Variants in OPCML observed in about 807,000 individuals in gnomAD.
OPCML encodes the protein opioid binding protein/cell adhesion molecule like.
Under a neutral mutation model 37.8 loss-of-function variants are expected in OPCML, and 13 were observed. The ratio of observed to expected loss-of-function variants is 0.34; its 90% CI spans 0.22 to 0.55. The LOEUF (loss-of-function observed/expected upper bound fraction) is 0.55. Among genes scored for constraint, OPCML ranks in the 20% least tolerant of loss-of-function variants. The probability of loss-of-function intolerance (pLI) is 0.91; values close to 1 mark genes in which losing one functional copy is unlikely to be tolerated. For synonymous variants in OPCML, 176 were observed against 168.8 expected (o/e 1.04, Z -0.33); for missense variants, 341 against 435.6 (o/e 0.78, Z 1.93).
intron 1 of OPCML, among the ~76,000 whole-genome samples, chr11:133,041,662 T>C (rs1445186998): frequency 1.3e-5 from 2 of 152,222 alleles, no homozygotes; most frequent in African/African-American, 4.8e-5. Flanking sequence ...CTATACCCTG[T>C]TGTTGCCTTG....
chr11:132,455,762 AATTCATTCATTC>A lies in OPCML; in HGVS notation c.506-18415_506-18404del, dbSNP rs61139767. ...TGTCTGTCAAAAACCTTCTTTGTCA[AATTCATTCATTC>A]ATTCATTCATTCATTCATTCATTCA... On this transcript the variant is annotated intron_variant, in intron 4 of 7. Coordinates refer to ENST00000524381, the MANE Select transcript of OPCML (RefSeq NM_001012393.5). Among the ~76,000 whole-genome samples, 25 of 150,550 alleles carry A rather than the reference AATTCATTCATTC, an allele frequency of 1.7e-4. 1 individual carries two copies. The highest frequency in any genetic ancestry group is 9.3e-4 in the Admixed American group (14 of 15,094).
chr11:133,492,329 GC>G (rs1665061115), intron 1 of OPCML, among the ~76,000 whole-genome samples: 1 of 152,166 alleles, frequency 6.6e-6, no homozygotes. Flanking sequence ...TCATATGGAT[GC>G]TTTTGGCCTT....
At chr11:133,456,463 C>A (rs1000432189) in intron 1 of OPCML, among the ~76,000 whole-genome samples, 1 of 148,326 alleles carries the variant, frequency 6.7e-6, no homozygotes, top group African/African-American at 2.6e-5. Flanking sequence ...TTTCAATAAA[C>A]AATCACAAGA....
intron 1 of OPCML, among the ~76,000 whole-genome samples, chr11:133,093,671 T>C (rs143720569): frequency 5.2e-4 from 79 of 152,260 alleles, no homozygotes; most frequent in South Asian, 1.0e-3. Context: ...CTTAGAACAA[T>C]ACAGGTTCAC....
At chr11:132,766,096 AT>A (rs1317300816) in intron 2 of OPCML, among the ~76,000 whole-genome samples, 4 of 83,984 alleles carry the variant, frequency 4.8e-5, no homozygotes, top group African/African-American at 2.0e-4. Flanking sequence ...CATGCTTATA[AT>A]TTAAAAAAAA....
intron 2 of OPCML, among the ~76,000 whole-genome samples, chr11:132,864,520 G>C (rs1942447503): frequency 6.6e-6 from 1 of 152,124 alleles, no homozygotes; most frequent in Admixed American, 6.5e-5. Context: ...CAATGCTTTG[G>C]ATTATGCAAA....
chr11:132,658,026 C>T (rs1488957537), intron 2 of OPCML, among the ~76,000 whole-genome samples: 1 of 152,192 alleles, frequency 6.6e-6, no homozygotes. Flanking sequence ...CAACACCTCT[C>T]ACCTACTCTC....
chr11:133,209,488 C>T (rs189269096), intron 1 of OPCML, among the ~76,000 whole-genome samples: 2 of 152,248 alleles, frequency 1.3e-5, no homozygotes, highest in Admixed American at 1.3e-4. Context: ...CAAATACTAC[C>T]CATTTGAGTT....
chr11:132,658,959 A>G (rs1472973464), intron 2 of OPCML, among the ~76,000 whole-genome samples: 1 of 152,078 alleles, frequency 6.6e-6, no homozygotes, highest in Non-Finnish European at 1.5e-5. Context: ...TTTTTATTTG[A>G]CCACAGGCAT....
chr11:132,937,780 T>A (rs147155961), intron 2 of OPCML, among the ~76,000 whole-genome samples: 1 of 152,086 alleles, frequency 6.6e-6, no homozygotes, highest in East Asian at 2.0e-4. Flanking sequence ...CTCCCTGCAT[T>A]GTGTATCTCC....
chr11:133,274,805 G>A (rs920673046), intron 1 of OPCML, among the ~76,000 whole-genome samples: 7 of 152,174 alleles, frequency 4.6e-5, no homozygotes, highest in African/African-American at 1.7e-4. Context: ...GTTTAACTGA[G>A]TTCTCCCTTG....
intron 4 of OPCML, among the ~76,000 whole-genome samples, chr11:132,488,804 T>C (rs962440146): frequency 7.2e-5 from 11 of 152,222 alleles, no homozygotes; most frequent in African/African-American, 2.7e-4. Flanking sequence ...GTAGATCCCT[T>C]GGATAATCCT....
chr11:133,469,389 C>CCGTA lies in OPCML; in HGVS notation c.61+62871_61+62874dup, dbSNP rs1255645117. Among the ~76,000 whole-genome samples, 8 of 152,316 alleles carry CCGTA rather than the reference C, an allele frequency of 5.3e-5. No homozygotes were observed. The South Asian group carries it at 6.2e-4, about 12-fold the overall frequency. ...TGTACCCTAGGAGCAGTAGGCTCCA[C>CCGTA]CGTACAGCTGAGGTGTGTAGTAGGC... On this transcript the variant is annotated intron_variant, in intron 1 of 7. Transcript: ENST00000524381.
chr11:133,411,312 CT>C (rs1945646451), intron 1 of OPCML, among the ~76,000 whole-genome samples: 1 of 152,218 alleles, frequency 6.6e-6, no homozygotes, highest in African/African-American at 2.4e-5. Flanking sequence ...GGATGTCACA[CT>C]TTTTCCACAT....
In OPCML at chr11:132,796,033, T is replaced by A. The variant is rs528527252; in HGVS notation, c.147-138714A>T. The stretch of plus-strand genomic sequence containing the variant: ...TAAACAATACAGTTTATAAGCTATT[T>A]CCATAGCATCTACATTGTATCAGGT... On this transcript the variant is annotated intron_variant, in intron 2 of 7. Transcript: ENST00000524381. Among the ~76,000 whole-genome samples, 3 of 152,322 alleles carry A rather than the reference T, an allele frequency of 2.0e-5. No individual in the cohort carries two copies. In the East Asian group the frequency reaches 5.8e-4, roughly 29 times the overall value.
chr11:133,147,913 C>A (rs1465591612), intron 1 of OPCML, among the ~76,000 whole-genome samples: 1 of 152,154 alleles, frequency 6.6e-6, no homozygotes, highest in Non-Finnish European at 1.5e-5. Context: ...CCGTTTACTG[C>A]CCGTCCTGCA....
intron 1 of OPCML, among the ~76,000 whole-genome samples, chr11:133,488,876 C>T (rs1208744481): frequency 6.6e-6 from 1 of 151,382 alleles, no homozygotes; most frequent in Non-Finnish European, 1.5e-5. Context: ...AAAATACACA[C>T]ATAGATCAAT....
At chr11:132,513,935 C>A (rs2096274299) in intron 4 of OPCML, among the ~76,000 whole-genome samples, 1 of 152,166 alleles carries the variant, frequency 6.6e-6, no homozygotes, top group East Asian at 1.9e-4. Context: ...AAACACAGTA[C>A]ATAACACGTA....
At chr11:133,380,825 A>C (rs931673865) in intron 1 of OPCML, among the ~76,000 whole-genome samples, 1 of 152,090 alleles carries the variant, frequency 6.6e-6, no homozygotes, top group African/African-American at 2.4e-5. Flanking sequence ...CTATATTGTT[A>C]AGTAAATGTT....
Sources: gnomAD v4.1 joint callset for allele counts (sites outside exome capture counted in the v4.1 genomes callset) on GRCh38, gnomAD v4.1.1 for gene constraint, MANE v1.5 for transcripts, NCBI Gene and HGNC (gene_info 2026-07-23, HGNC 2026-07-21) for gene names.